The following C16orf92 variants were observed in gnomAD, a reference collection of about 807,000 sequenced individuals.
C16orf92 encodes the protein fertilization-influencing membrane protein 1, also known as fertilization-influencing membrane protein.
C16orf92 carries 14 observed loss-of-function variants against 13.7 expected under a neutral mutation model. That is an observed-to-expected ratio of 1.02 (90% CI 0.67 to 1.60). The LOEUF is 1.60. Among genes scored for constraint, C16orf92 ranks in the 40% most tolerant of loss-of-function variants. The probability of loss-of-function intolerance (pLI) is 0.00; values close to 1 mark genes in which losing one functional copy is unlikely to be tolerated. For missense variants in C16orf92, 116 were observed against 139.0 expected (o/e 0.83, Z 0.83); for synonymous variants, 50 against 57.4 (o/e 0.87, Z 0.58).
At chr16:30,027,516 C>T (rs1197370176), downstream of C16orf92, 1 of 451,612 alleles carries the variant, frequency 2.2e-6, no homozygotes, top group African/African-American at 2.0e-5. Context: ...AGAGACAGAC[C>T]CTGTTGGCAA....
chr16:30,024,182 C>T, intron 3 of C16orf92, 24 bp from the exon 4 acceptor site: 1 of 1,613,904 alleles, frequency 6.2e-7, no homozygotes, highest in South Asian at 1.1e-5. Context: ...GTGACCTCTC[C>T]CCTCTGATCT....
downstream of C16orf92, chr16:30,025,359 G>T: frequency 6.3e-7 from 1 of 1,598,450 alleles, no homozygotes; most frequent in Non-Finnish European, 8.5e-7. The surrounding 1 kb of genome is among the most constrained non-coding windows in gnomAD (Gnocchi z 4.1). Flanking sequence ...CCGGCATGGC[G>T]CCCGTAGGCC....
At chr16:30,026,107 C>T (rs949312312), downstream of C16orf92, among the ~76,000 whole-genome samples, 1 of 152,102 alleles carries the variant, frequency 6.6e-6, no homozygotes, top group Non-Finnish European at 1.5e-5. Context: ...TGTTGGTGGG[C>T]ACCTGTAATC....
downstream of C16orf92, chr16:30,026,901 G>A: frequency 4.1e-6 from 6 of 1,459,178 alleles, no homozygotes; most frequent in Non-Finnish European, 5.7e-6. Context: ...CCAGTGATTG[G>A]GGTCAGATCT....
At position 30,023,883 on chromosome 16, in the gene C16orf92, C is replaced by G. The variant is rs1357155764; in HGVS notation, c.221C>G (p.Ser74Ter). The G allele has an allele frequency of 1.2e-6, 2 of 1,610,040 alleles. No homozygotes were observed. The highest frequency in any genetic ancestry group is 2.2e-5 in the East Asian group (1 of 44,874). Residue 74 changes from serine to a stop codon, truncating the protein, a stop_gained and splice_region_variant, in exon 2 of 4, where the codon TCA becomes TGA. Transcript: ENST00000681219. LOFTEE classifies it high-confidence loss of function. Reference protein sequence around the residue: ...IGEKPIVFINSGSSPGLFHHI... With the variant: ...IGEKPIVFIN ...GAGAAACCCATCGTGTTCATTAACT[C>G]AGGTATGAACCAGCTTGAGAAGGGA...
chr16:30,025,220 C>T (rs768258196), downstream of C16orf92: 6 of 1,504,442 alleles, frequency 4.0e-6, no homozygotes, highest in South Asian at 5.2e-5. The surrounding 1 kb of genome is among the most constrained non-coding windows in gnomAD (Gnocchi z 4.1). Context: ...CGGCCGGGAG[C>T]GGGGCCAGAA....
chr16:30,026,581 C>A, downstream of C16orf92: 1 of 1,594,654 alleles, frequency 6.3e-7, no homozygotes, highest in South Asian at 1.1e-5. Flanking sequence ...CCACCCGCAC[C>A]CCGCCCGCCC....
At chr16:30,025,671 C>G, downstream of C16orf92, 1 of 1,570,894 alleles carries the variant, frequency 6.4e-7, no homozygotes, top group Non-Finnish European at 8.8e-7. This position sits in a 1 kb window ranked among gnomAD's most constrained non-coding sequence, Gnocchi z 4.1. Context: ...TTGAAGGTCC[C>G]TCCCCTTCCT....
downstream of C16orf92, chr16:30,025,815 G>A (rs746652989): frequency 3.1e-6 from 5 of 1,613,416 alleles, no homozygotes; most frequent in Middle Eastern, 1.6e-4. This position sits in a 1 kb window ranked among gnomAD's most constrained non-coding sequence, Gnocchi z 4.1. Context: ...TTACCCTGTC[G>A]CCACACCTGG....
downstream of C16orf92, chr16:30,025,040 G>A: frequency 1.7e-6 from 1 of 585,568 alleles, no homozygotes; most frequent in Admixed American, 3.5e-5. This position sits in a 1 kb window ranked among gnomAD's most constrained non-coding sequence, Gnocchi z 4.1. Context: ...CCCGAGAGAT[G>A]GGGCCTCTTC....
rs1408863318 is a variant in C16orf92 at position 30,024,085 on chromosome 16, A to G, written c.310A>G (p.Ile104Val). Residue 104 changes from isoleucine (I) to valine (V), a missense_variant and splice_region_variant, in exon 3 of 4, where the codon ATA becomes GTA. Ile to Val is a conservative substitution (Grantham distance 29). Transcript: ENST00000681219. ...FFLLFQFCTH[I>V]NFQKGA is the part of the protein sequence containing the mutation. ...TCTCCTTTTCCAGTTCTGCACCCAC[A>G]TGTAAGGCCTGCCCCCTTTCTCCAA... The G allele has an allele frequency of 1.5e-5, 24 of 1,612,356 alleles. No homozygotes were observed. Among genetic ancestry groups the G allele is most frequent in the Non-Finnish European group, 1.9e-5 (22 of 1,178,638 alleles).
In C16orf92 at chr16:30,023,765, A is replaced by G; in HGVS notation, c.103A>G (p.Thr35Ala). 6.2e-7 allele frequency: 1 copy of G among 1,614,026 alleles called. No homozygotes were observed. ...PKRATASALG[T>A]ESPRFLDRPD... ...GCGTGCCACGGCGTCAGCCCTGGGG[A>G]CAGAGTCTCCGCGCTTCTTAGACAG... The change falls in exon 2 of 4, where the codon ACA becomes GCA. Residue 35 changes from threonine (T) to alanine (A), a missense_variant. Coordinates refer to ENST00000681219, the MANE Select transcript of C16orf92 (RefSeq NM_001109659.2).
downstream of C16orf92, among the ~76,000 whole-genome samples, chr16:30,027,358 AGGTAGGTGTG>A (rs1190934174): frequency 1.3e-5 from 2 of 152,204 alleles, no homozygotes; most frequent in African/African-American, 2.4e-5. Flanking sequence ...ACCCTGTAAA[AGGTAGGTGTG>A]GCCATCATCC....
chr16:30,025,188 C>A, downstream of C16orf92: 1 of 1,470,554 alleles, frequency 6.8e-7, no homozygotes, highest in Non-Finnish European at 9.0e-7. The surrounding 1 kb of genome is among the most constrained non-coding windows in gnomAD (Gnocchi z 4.1). Context: ...CGGCCTCAGT[C>A]CTGGGCCTGG....
At chr16:30,023,611 C>G (rs777621401) in intron 1 of C16orf92, 116 bp from the exon 2 acceptor site, 4 of 1,574,110 alleles carry the variant, frequency 2.5e-6, no homozygotes, top group Non-Finnish European at 3.5e-6. Context: ...TCAAGACCCT[C>G]CACAGCCTCT....
rs766370522 is a variant in C16orf92, at chr16:30,023,989, T to C, written c.224-10T>C. ...TCAGAGGGGAGTTAAGGGTCCTGTT[T>C]GTCTAGCAGGTTCCAGCCCCGGGCT... On this transcript the variant is annotated splice_polypyrimidine_tract_variant and intron_variant, in intron 2 of 3. Coordinates refer to ENST00000681219, the MANE Select transcript of C16orf92 (RefSeq NM_001109659.2). 6.2e-7 allele frequency: 1 copy of C among 1,610,504 alleles called. No individual in the cohort carries two copies. Among genetic ancestry groups the C allele is most frequent in the Non-Finnish European group, 8.5e-7 (1 of 1,176,702 alleles).
At chr16:30,025,907 C>G, downstream of C16orf92, 1 of 1,045,276 alleles carries the variant, frequency 9.6e-7, no homozygotes. This position sits in a 1 kb window ranked among gnomAD's most constrained non-coding sequence, Gnocchi z 4.1. Context: ...CCCTCTGTCA[C>G]TTTGGGAGAT....
chr16:30,026,275 A>G (rs1325171260), downstream of C16orf92, among the ~76,000 whole-genome samples: 1 of 152,152 alleles, frequency 6.6e-6, no homozygotes, highest in East Asian at 1.9e-4. Context: ...GTGCAGGAGC[A>G]GGTGCATGAC....
chr16:30,023,935 A>G, intron 2 of C16orf92, 50 bp downstream of exon 2: 1 of 1,589,854 alleles, frequency 6.3e-7, no homozygotes, highest in Middle Eastern at 1.7e-4. Context: ...GGTCTGGAGG[A>G]GAGCAGCCCC....
Sources: gnomAD v4.1 joint callset for allele counts (sites outside exome capture counted in the v4.1 genomes callset) on GRCh38, gnomAD v4.1.1 for gene constraint, Gnocchi (gnomAD v3.1) non-coding constraint, MANE v1.5 for transcripts, NCBI Gene and HGNC (gene_info 2026-07-23, HGNC 2026-07-21) for gene names.